Variants in EIF3H observed in about 807,000 individuals in gnomAD.
The protein encoded by EIF3H is eIF-3-gamma.
Under a neutral mutation model 44.2 loss-of-function variants are expected in EIF3H, and 26 were observed. That is an observed-to-expected ratio of 0.59 (90% CI 0.43 to 0.82). EIF3H has a LOEUF of 0.82. Among genes scored for constraint, EIF3H ranks in the 40% least tolerant of loss-of-function variants. The pLI is 0.00. For synonymous variants in EIF3H, 166 were observed against 151.9 expected (o/e 1.09, Z -0.68); for missense variants, 359 against 432.8 (o/e 0.83, Z 1.51).
chr8:116,643,015 T>C lies in EIF3H; in HGVS notation c.*1991A>G, dbSNP rs576243086. ...TTAAATTACTCTTAATCCTAAAAAATACATAAGTTATGTTCCAACTGATTT... is the reference window on the plus strand; with the variant it reads ...TTAAATTACTCTTAATCCTAAAAAACACATAAGTTATGTTCCAACTGATTT... On this transcript the variant is annotated 3_prime_UTR_variant, in exon 8 of 8. Transcript: ENST00000521861. 57 of 152,358 alleles carry C rather than the reference T, an allele frequency of 3.7e-4. No individual in the cohort carries two copies. Among genetic ancestry groups the C allele is most frequent in the Admixed American group, 3.7e-3 (56 of 15,310 alleles). The allele number at this position is 152,358 out of a possible 1,614,324, so 9.4% of individuals were successfully genotyped here. A position where few individuals can be genotyped will look rare whatever the true frequency, so the allele number is the denominator to read the frequency against.
chr8:116,703,224 A>G (rs1814408237), intron 2 of EIF3H, among the ~76,000 whole-genome samples: 1 of 152,210 alleles, frequency 6.6e-6, no homozygotes, highest in Non-Finnish European at 1.5e-5. Flanking sequence ...AAACGAGGGC[A>G]TACAGAGATA....
rs965501216 is a variant in EIF3H at position 116,643,933 on chromosome 8, G to A, written c.*1073C>T. ...TAAAATATAAAAATTACTAAAATATGTTTTTCCCAATGTACTACCATTCTC... is the reference window on the plus strand; with the variant it reads ...TAAAATATAAAAATTACTAAAATATATTTTTCCCAATGTACTACCATTCTC... On this transcript the variant is annotated 3_prime_UTR_variant, in exon 8 of 8. Transcript: ENST00000521861. 3 of 152,086 alleles carry A rather than the reference G, an allele frequency of 2.0e-5. No individual in the cohort carries two copies. Among genetic ancestry groups the A allele is most frequent in the African/African-American group, 7.2e-5 (3 of 41,426 alleles). 9.4% of individuals were successfully genotyped at this position (152,086 alleles called of 1,614,324 possible).
chr8:116,665,526 A>G lies in EIF3H; in HGVS notation c.290-6546T>C, dbSNP rs547924084. ...CCACAAAGCTCAATCAGGAGATGCA[A>G]ATAGCTTAAAAAGCAAGCAAACAAA... On this transcript the variant is annotated intron_variant, in intron 2 of 7. Transcript: ENST00000521861. Among the ~76,000 whole-genome samples the G allele has an allele frequency of 5.9e-5, 9 of 152,314 alleles. No homozygotes were observed. The East Asian group carries it at 1.7e-3, about 29-fold the overall frequency.
intron 1 of EIF3H, among the ~76,000 whole-genome samples, chr8:116,735,553 T>A (rs1281210954): frequency 6.6e-6 from 1 of 152,146 alleles, no homozygotes; most frequent in Non-Finnish European, 1.5e-5. Flanking sequence ...AGGTTGAGTA[T>A]CCCTTATCCA....
In EIF3H at chr8:116,743,771, T is replaced by TACATAC. The variant is rs1390592777; in HGVS notation, c.132+11894_132+11895insGTATGT. ...ATACCCTGTCTCAAAAATACATACA[T>TACATAC]ATATATATATATATATATATATATA... On this transcript the variant is annotated intron_variant, in intron 1 of 7. Coordinates refer to ENST00000521861, the MANE Select transcript of EIF3H (RefSeq NM_003756.3). 9.2e-3 allele frequency among the ~76,000 whole-genome samples: 699 copies of TACATAC among 76,242 alleles called. 12 individuals are homozygous for TACATAC. Among genetic ancestry groups the TACATAC allele is most frequent in the African/African-American group, 0.048 (661 of 13,868 alleles). 50.0% of individuals were successfully genotyped at this position (76,242 alleles called of 152,430 possible).
intron 1 of EIF3H, among the ~76,000 whole-genome samples, chr8:116,739,064 CCA>C (rs1384894974): frequency 6.6e-6 from 1 of 152,140 alleles, no homozygotes; most frequent in East Asian, 1.9e-4. Context: ...GCCTTGACAC[CCA>C]CACTGGAAGG....
intron 2 of EIF3H, among the ~76,000 whole-genome samples, chr8:116,724,456 A>G (rs1814799933): frequency 6.6e-6 from 1 of 152,168 alleles, no homozygotes; most frequent in Non-Finnish European, 1.5e-5. Flanking sequence ...AAATGGGAGT[A>G]TATCAAATGT....
At chr8:116,655,791 T>G in intron 5 of EIF3H, 65 bp downstream of exon 5, 1 of 1,521,578 alleles carries the variant, frequency 6.6e-7, no homozygotes, top group Non-Finnish European at 9.1e-7. Context: ...AGGTAAAGTT[T>G]ATGTGAAAGA....
chr8:116,757,834 G>C (rs1031549808), upstream of EIF3H, among the ~76,000 whole-genome samples: 1 of 151,514 alleles, frequency 6.6e-6, no homozygotes, highest in Non-Finnish European at 1.5e-5. Context: ...CGATTCTCTC[G>C]CCTCAGCCTC....
Position 116,739,917 on chromosome 8 carries a change from T to C in EIF3H, c.133-13745A>G, listed in dbSNP as rs536496768. Among the ~76,000 whole-genome samples the C allele has an allele frequency of 1.2e-4, 18 of 152,206 alleles. No individual in the cohort carries two copies. In the South Asian group the frequency reaches 3.5e-3, roughly 30 times the overall value. Reference sequence around the variant, plus strand: ...AGGTTATCAGTGGTAAAGAACCCATTTTCCCCCAATCTATCACAGACCAAC... The same window carrying C: ...AGGTTATCAGTGGTAAAGAACCCATCTTCCCCCAATCTATCACAGACCAAC... On this transcript the variant is annotated intron_variant, in intron 1 of 7. Coordinates refer to ENST00000521861, the MANE Select transcript of EIF3H (RefSeq NM_003756.3).
intron 2 of EIF3H, among the ~76,000 whole-genome samples, chr8:116,713,528 T>C (rs1814608791): frequency 6.6e-6 from 1 of 152,140 alleles, no homozygotes; most frequent in African/African-American, 2.4e-5. Context: ...CTAGACTTTG[T>C]TCCTACTATT....
At chr8:116,710,254 ATCAG>A (rs1210853967) in intron 2 of EIF3H, among the ~76,000 whole-genome samples, 1 of 152,220 alleles carries the variant, frequency 6.6e-6, no homozygotes, top group East Asian at 1.9e-4. Context: ...TTCCTGTGTC[ATCAG>A]TCAGGCACTG....
intron 5 of EIF3H, among the ~76,000 whole-genome samples, chr8:116,653,183 C>T (rs953999193): frequency 8.5e-4 from 130 of 152,184 alleles, no homozygotes; most frequent in African/African-American, 2.8e-3. Context: ...AAAACAGACC[C>T]ACTGTTTCTA....
intron 2 of EIF3H, among the ~76,000 whole-genome samples, chr8:116,672,932 C>T (rs1813781539): frequency 6.7e-6 from 1 of 149,542 alleles, no homozygotes; most frequent in African/African-American, 2.5e-5. Flanking sequence ...ATATGGCACT[C>T]ATGAAATCCA....
At position 116,726,023 on chromosome 8, in the gene EIF3H, A is replaced by G. The variant is rs374050478; in HGVS notation, c.282T>C (p.Phe94=). 1.2e-5 allele frequency: 20 copies of G among 1,613,684 alleles called. No homozygotes were observed. The highest frequency in any genetic ancestry group is 1.6e-5 in the Non-Finnish European group (19 of 1,179,820). ...FPQHTEDDAD[F]DEVQYQMEMM... ...TGTGATGAACACCCTTACCTTCATC[A>G]AAGTCAGCATCATCCTCTGTGTGCT... Residue 94 remains phenylalanine (F), a synonymous_variant, in exon 2 of 8, where the codon TTT becomes TTC. Transcript: ENST00000521861.
chr8:116,708,353 T>C (rs941077390), intron 2 of EIF3H, among the ~76,000 whole-genome samples: 4 of 152,052 alleles, frequency 2.6e-5, no homozygotes, highest in African/African-American at 9.7e-5. Flanking sequence ...TATCTTAAAA[T>C]TATAAACCTT....
At position 116,642,164 on chromosome 8, in the gene EIF3H, T is replaced by C. The variant is rs1813233139; in HGVS notation, c.*2842A>G. On this transcript the variant is annotated 3_prime_UTR_variant, in exon 8 of 8. Transcript: ENST00000521861. The stretch of plus-strand genomic sequence containing the variant: ...GAAGTGTTTATTGTAAAAATGGAGT[T>C]TATAATGAAAATAAAAAATTATTTC... 6.6e-6 allele frequency: 1 copy of C among 152,130 alleles called. No homozygotes were observed. The highest frequency in any genetic ancestry group is 2.4e-5 in the African/African-American group (1 of 41,430). The allele number at this position is 152,130 out of a possible 1,614,324, so 9.4% of individuals were successfully genotyped here.
At chr8:116,742,223 C>T (rs1320039219) in intron 1 of EIF3H, among the ~76,000 whole-genome samples, 1 of 152,122 alleles carries the variant, frequency 6.6e-6, no homozygotes, top group Non-Finnish European at 1.5e-5. Flanking sequence ...GGATCTAATG[C>T]TCACTGATGG....
intron 2 of EIF3H, among the ~76,000 whole-genome samples, chr8:116,686,174 T>C (rs1057485434): frequency 6.6e-6 from 1 of 152,134 alleles, no homozygotes; most frequent in East Asian, 1.9e-4. Flanking sequence ...TACTGGACTA[T>C]ACTAATCACA....
Sources: gnomAD v4.1 joint callset for allele counts (sites outside exome capture counted in the v4.1 genomes callset) on GRCh38, gnomAD v4.1.1 for gene constraint, MANE v1.5 for transcripts, NCBI Gene and HGNC (gene_info 2026-07-23, HGNC 2026-07-21) for gene names.